PRKACB: variants seen among roughly 807,000 people sequenced by gnomAD.
The protein encoded by PRKACB is protein kinase cAMP-activated catalytic subunit beta.
PRKACB carries 16 observed loss-of-function variants against 51.4 expected under a neutral mutation model. That is an observed-to-expected ratio of 0.31 (90% CI 0.21 to 0.47). The LOEUF is 0.47. PRKACB is among the 20% of genes least tolerant of loss of function. The pLI is 1.00. For synonymous variants in PRKACB, 147 were observed against 154.4 expected (o/e 0.95, Z 0.35); for missense variants, 309 against 464.5 (o/e 0.67, Z 3.08).
At chr1:84,145,657 GT>G (rs1216198529) in intron 1 of PRKACB, among the ~76,000 whole-genome samples, 1 of 151,970 alleles carries the variant, frequency 6.6e-6, no homozygotes, top group Non-Finnish European at 1.5e-5. Flanking sequence ...CACTTAAAAG[GT>G]TTTGGGTTAT....
At position 84,184,385 on chromosome 1, in the gene PRKACB, C is replaced by A. The variant is rs184395494; in HGVS notation, c.477+250C>A. Among the ~76,000 whole-genome samples, 114 of 151,922 alleles carry A rather than the reference C, an allele frequency of 7.5e-4. 1 individual carries two copies. The highest frequency in any genetic ancestry group is 3.5e-3 in the Admixed American group (53 of 15,240). ...GATGGTATTACAAAAAGAAATATTT[C>A]AATTTATCAAAAACCATAGGGATAT... is the stretch of plus-strand genomic sequence containing the variant. On this transcript the variant is annotated intron_variant, in intron 4 of 9. Coordinates refer to ENST00000370685, the MANE Select transcript of PRKACB (RefSeq NM_182948.4).
intron 1 of PRKACB, among the ~76,000 whole-genome samples, chr1:84,095,989 T>G (rs1207679550): frequency 6.6e-6 from 1 of 152,100 alleles, no homozygotes; most frequent in African/African-American, 2.4e-5. Flanking sequence ...TGGTCTTATC[T>G]TTTGGCATGC....
At position 84,113,969 on chromosome 1, in the gene PRKACB, C is replaced by T. The variant is rs573029036; in HGVS notation, c.46+35598C>T. ...CACCGAATTTTACATTTAAAACTGGCGAAATTTGTGGTACATAAGTTATCT... is the reference window on the plus strand; with the variant it reads ...CACCGAATTTTACATTTAAAACTGGTGAAATTTGTGGTACATAAGTTATCT... On this transcript the variant is annotated intron_variant, in intron 1 of 8. Transcript: ENST00000370688. 6.3e-4 allele frequency among the ~76,000 whole-genome samples: 96 copies of T among 152,098 alleles called. 1 individual carries two copies. In the South Asian group the frequency reaches 0.017, roughly 27 times the overall value.
intron 8 of PRKACB, among the ~76,000 whole-genome samples, chr1:84,211,769 A>T (rs765802240): frequency 1.1e-4 from 17 of 152,180 alleles, no homozygotes; most frequent in South Asian, 2.1e-4. Flanking sequence ...TGAAATTTGG[A>T]TAATAATCAT....
chr1:84,094,531 T>C (rs2100784587), intron 1 of PRKACB, among the ~76,000 whole-genome samples: 1 of 152,054 alleles, frequency 6.6e-6, no homozygotes, highest in South Asian at 2.1e-4. Flanking sequence ...TTTGGGGGTT[T>C]TTAGCTTAGT....
chr1:84,183,863 A>C (rs936466951), intron 3 of PRKACB, among the ~76,000 whole-genome samples, 174 bp from the exon 4 acceptor site: 1 of 151,838 alleles, frequency 6.6e-6, no homozygotes, highest in African/African-American at 2.4e-5. Flanking sequence ...GTAATGGCAA[A>C]AACCGCAATT....
At chr1:84,212,456 G>A (rs547241851) in intron 8 of PRKACB, among the ~76,000 whole-genome samples, 20 of 147,424 alleles carry the variant, frequency 1.4e-4, no homozygotes, top group Non-Finnish European at 2.5e-4. Context: ...TTGAGAACAT[G>A]AGAATGTATG....
intron 1 of PRKACB, chr1:84,173,471 T>A: frequency 2.3e-6 from 2 of 873,932 alleles, no homozygotes; most frequent in Non-Finnish European, 1.8e-6. Context: ...CAATTCTGTT[T>A]ACTGAAAATA....
At chr1:84,207,892 G>C (rs1379435555) in intron 8 of PRKACB, among the ~76,000 whole-genome samples, 1 of 151,824 alleles carries the variant, frequency 6.6e-6, no homozygotes, top group Non-Finnish European at 1.5e-5. Flanking sequence ...TTTTGAGATG[G>C]AATCTTGCTC....
At chr1:84,164,485 A>G (rs1438690642) in intron 1 of PRKACB, 1 of 1,533,212 alleles carries the variant, frequency 6.5e-7, no homozygotes, top group Non-Finnish European at 8.8e-7. Flanking sequence ...AGCGTAGATT[A>G]GTGCTTAAAT....
At chr1:84,219,210 TTTTG>T (rs1281654350) in intron 9 of PRKACB, among the ~76,000 whole-genome samples, 6 of 151,862 alleles carry the variant, frequency 4.0e-5, no homozygotes, top group Non-Finnish European at 8.8e-5. Flanking sequence ...ATAAAATCTT[TTTTG>T]TTTGTTTATT....
At chr1:84,080,422 T>A (rs527576284) in intron 1 of PRKACB, among the ~76,000 whole-genome samples, 86 of 152,340 alleles carry the variant, frequency 5.6e-4, no homozygotes, top group Non-Finnish European at 1.1e-3. Context: ...TTCTTAAGTA[T>A]GTTAGTCAGC....
At chr1:84,144,702 CT>C (rs140720001) in intron 1 of PRKACB, among the ~76,000 whole-genome samples, 154 bp downstream of exon 1, 114 of 152,170 alleles carry the variant, frequency 7.5e-4, no homozygotes, top group African/African-American at 2.7e-3. Flanking sequence ...TCCATAAAAA[CT>C]TGATTATAAG....
chr1:84,203,639 G>A (rs1287158377), intron 8 of PRKACB, among the ~76,000 whole-genome samples: 2 of 151,990 alleles, frequency 1.3e-5, no homozygotes, highest in East Asian at 3.9e-4. Context: ...AAATATATGG[G>A]AAGGGATATT....
At chr1:84,141,425 C>G (rs934324229), upstream of PRKACB, among the ~76,000 whole-genome samples, 19 of 152,050 alleles carry the variant, frequency 1.2e-4, no homozygotes, top group Non-Finnish European at 2.1e-4. Flanking sequence ...AATCAAATAT[C>G]CGAAGTACTT....
In PRKACB at chr1:84,182,192, A is replaced by T; in HGVS notation, c.250-8A>T. 6.6e-7 allele frequency: 1 copy of T among 1,518,996 alleles called. No homozygotes were observed. The highest frequency in any genetic ancestry group is 2.3e-5 in the East Asian group (1 of 43,350). The allele number at this position is 1,518,996 out of a possible 1,614,324, so 94.1% of individuals were successfully genotyped here. A position where few individuals can be genotyped will look rare whatever the true frequency, so the allele number is the denominator to read the frequency against. On this transcript the variant is annotated splice_polypyrimidine_tract_variant and splice_region_variant and intron_variant, in intron 2 of 9. Transcript: ENST00000370685. ...AATTTTAAATTTTATTTATGTATTT[A>T]CATATAGAATAATGCCGGACTTGAA...
chr1:84,234,579 A>C (rs1676404494), intron 9 of PRKACB, among the ~76,000 whole-genome samples: 1 of 152,192 alleles, frequency 6.6e-6, no homozygotes. Flanking sequence ...CCGTGGGCGT[A>C]GGTCCCTCCA....
chr1:84,148,822 A>G (rs1654466438), intron 1 of PRKACB, among the ~76,000 whole-genome samples: 2 of 152,230 alleles, frequency 1.3e-5, no homozygotes, highest in Admixed American at 6.5e-5. Flanking sequence ...TGAGCCATTT[A>G]GCAATGCAAG....
chr1:84,171,055 A>G (rs916879238), intron 1 of PRKACB, among the ~76,000 whole-genome samples: 3 of 151,678 alleles, frequency 2.0e-5, no homozygotes, highest in Non-Finnish European at 4.4e-5. Flanking sequence ...AGTAATAAAA[A>G]GCTTTAAAAA....
Sources: gnomAD v4.1 joint callset for allele counts (sites outside exome capture counted in the v4.1 genomes callset) on GRCh38, gnomAD v4.1.1 for gene constraint, MANE v1.5 for transcripts, NCBI Gene and HGNC (gene_info 2026-07-23, HGNC 2026-07-21) for gene names.